EPSTI1: variants seen among roughly 807,000 people sequenced by gnomAD.
The protein encoded by EPSTI1 is epithelial-stromal interaction protein 1.
In EPSTI1, 66 loss-of-function variants were observed where a neutral mutation model predicts 49.9. The observed-to-expected ratio is 1.32, with a 90% CI of 1.08 to 1.62. The LOEUF is 1.62. Among genes scored for constraint, EPSTI1 ranks in the 40% most tolerant of loss-of-function variants. The pLI, the probability that EPSTI1 is intolerant of heterozygous loss-of-function variation, is 0.00. For synonymous variants in EPSTI1, 137 were observed against 130.7 expected (o/e 1.05, Z -0.33); for missense variants, 394 against 365.5 (o/e 1.08, Z -0.64).
chr13:42,938,914 C>CAAAAAAAAAAAAAAAAAAAAAAAAA (rs57079104), intron 6 of EPSTI1, among the ~76,000 whole-genome samples: 3 of 59,664 alleles, frequency 5.0e-5, no homozygotes, highest in Non-Finnish European at 8.4e-5. Context: ...GACTCTGTCT[C>CAAAAAAAAAAAAAAAAAAAAAAAAA]AAAAAAAAAA....
intron 1 of EPSTI1, 55 bp downstream of exon 1, chr13:42,991,923 G>A: frequency 1.3e-6 from 2 of 1,595,680 alleles, no homozygotes; most frequent in Non-Finnish European, 1.7e-6. Flanking sequence ...GCTTGTGAGT[G>A]AGTATGTTTG....
intron 8 of EPSTI1, among the ~76,000 whole-genome samples, chr13:42,909,178 T>C (rs916566926): frequency 5.9e-5 from 9 of 152,106 alleles, no homozygotes; most frequent in African/African-American, 2.2e-4. Context: ...AACAGGTATA[T>C]GAAAAAATGC....
chr13:42,992,175 C>T lies in EPSTI1; in HGVS notation c.-10G>A. Reference sequence around the variant, plus strand: ...TATTGCGGGTGTTCATGGTTCACAGCCCGCGGGTCCCGGGCCGCCGTCGCT... The same window carrying T: ...TATTGCGGGTGTTCATGGTTCACAGTCCGCGGGTCCCGGGCCGCCGTCGCT... On this transcript the variant is annotated 5_prime_UTR_variant, in exon 1 of 11. Coordinates refer to ENST00000313624, the MANE Select transcript of EPSTI1 (RefSeq NM_033255.5). 1 of 1,536,526 alleles carries T rather than the reference C, an allele frequency of 6.5e-7. No homozygotes were observed. The highest frequency in any genetic ancestry group is 8.7e-7 in the Non-Finnish European group (1 of 1,143,774).
chr13:42,895,866 T>TAA (rs2037175498), intron 9 of EPSTI1, among the ~76,000 whole-genome samples: 1 of 152,122 alleles, frequency 6.6e-6, no homozygotes, highest in South Asian at 2.1e-4. Context: ...AATAAGACTA[T>TAA]AAGCTTCTGG....
intron 10 of EPSTI1, 62 bp downstream of exon 10, chr13:42,894,947 A>C: frequency 6.9e-7 from 1 of 1,439,692 alleles, no homozygotes; most frequent in Non-Finnish European, 9.6e-7. Context: ...ATATATTAAA[A>C]ATTCTCATTG....
At chr13:42,979,473 T>C (rs2039944386) in intron 1 of EPSTI1, among the ~76,000 whole-genome samples, 1 of 151,346 alleles carries the variant, frequency 6.6e-6, no homozygotes, top group Admixed American at 6.6e-5. Flanking sequence ...TCCCAGCTAC[T>C]CAGGAGGCTG....
At chr13:42,897,419 T>TGGGG (rs896015122) in intron 9 of EPSTI1, among the ~76,000 whole-genome samples, 2 of 152,216 alleles carry the variant, frequency 1.3e-5, no homozygotes, top group African/African-American at 4.8e-5. Flanking sequence ...AATTTCCACA[T>TGGGG]GGTGAGGCAC....
chr13:42,965,679 G>GTCCCTGTCCCTCTCCCTC (rs2039583387), intron 3 of EPSTI1, among the ~76,000 whole-genome samples: 2 of 15,524 alleles, frequency 1.3e-4, no homozygotes, highest in African/African-American at 4.7e-4. Context: ...TGGAGTCCCT[G>GTCCCTGTCCCTCTCCCTC]TCCCTCTCCC....
At chr13:42,936,492 T>C (rs925893394) in intron 6 of EPSTI1, among the ~76,000 whole-genome samples, 1 of 152,222 alleles carries the variant, frequency 6.6e-6, no homozygotes, top group Non-Finnish European at 1.5e-5. Context: ...AATTGACTAA[T>C]TTCTCCTTTC....
At chr13:42,979,584 CAA>C (rs144646467) in intron 1 of EPSTI1, among the ~76,000 whole-genome samples, 1 of 81,044 alleles carries the variant, frequency 1.2e-5, no homozygotes, top group African/African-American at 4.6e-5. Flanking sequence ...GACTCCGTCT[CAA>C]AAAAAAAAAA....
intron 5 of EPSTI1, among the ~76,000 whole-genome samples, chr13:42,960,647 C>T (rs1174878726): frequency 6.6e-6 from 1 of 152,118 alleles, no homozygotes; most frequent in South Asian, 2.1e-4. Flanking sequence ...AAGTACAAAA[C>T]GGGTATCAAT....
At chr13:42,991,876 T>C (rs2153437884) in intron 1 of EPSTI1, 102 bp downstream of exon 1, 2 of 1,286,412 alleles carry the variant, frequency 1.6e-6, no homozygotes, top group South Asian at 1.3e-5. Flanking sequence ...ATCCCTGTTG[T>C]TGGGCCCCTG....
intron 8 of EPSTI1, among the ~76,000 whole-genome samples, chr13:42,909,353 T>C (rs1005691622): frequency 2.6e-5 from 4 of 152,088 alleles, no homozygotes; most frequent in African/African-American, 4.8e-5. Context: ...TGTAAATTAG[T>C]ACAGCCATTA....
chr13:42,973,437 TTTA>T (rs773784042), intron 1 of EPSTI1, among the ~76,000 whole-genome samples: 3 of 152,238 alleles, frequency 2.0e-5, no homozygotes, highest in Non-Finnish European at 4.4e-5. Flanking sequence ...TCAGCAATAT[TTTA>T]TTGACTGAAA....
Position 42,905,883 on chromosome 13 carries a change from CTTTGTG to C in EPSTI1, c.742-5506_742-5501del, listed in dbSNP as rs1323719193. ...GCAAACAGGAGAAGGGTGTTCAACA[CTTTGTG>C]TTTGTGCACATCTTATCACTGTGCT... On this transcript the variant is annotated intron_variant, in intron 8 of 10. Transcript: ENST00000313624. Among the ~76,000 whole-genome samples the C allele has an allele frequency of 2.6e-5, 4 of 152,196 alleles. No individual in the cohort carries two copies. The South Asian group carries it at 8.3e-4, about 31-fold the overall frequency.
At chr13:42,905,006 T>C (rs1165163458) in intron 8 of EPSTI1, among the ~76,000 whole-genome samples, 2 of 152,210 alleles carry the variant, frequency 1.3e-5, no homozygotes, top group African/African-American at 4.8e-5. Context: ...TATATATTAT[T>C]TCCTCATACC....
At chr13:42,948,253 C>T (rs1014918900) in intron 6 of EPSTI1, among the ~76,000 whole-genome samples, 1 of 152,218 alleles carries the variant, frequency 6.6e-6, no homozygotes, top group Non-Finnish European at 1.5e-5. Context: ...GGGCCCTCCT[C>T]TGCATCAAGG....
intron 6 of EPSTI1, among the ~76,000 whole-genome samples, chr13:42,930,273 G>T (rs2038318463): frequency 6.6e-6 from 1 of 152,306 alleles, no homozygotes; most frequent in South Asian, 2.1e-4. Flanking sequence ...GCCACCATGA[G>T]GTTTAGGTAA....
chr13:42,970,683 GA>G lies in EPSTI1; in HGVS notation c.189-14del, dbSNP rs66702221. 0.3 allele frequency: 473,784 copies of G among 1,575,442 alleles called. 72,027 individuals carry two copies. The highest frequency in any genetic ancestry group is 0.42 in the South Asian group (35,951 of 84,892). On this transcript the variant is annotated splice_polypyrimidine_tract_variant and intron_variant, in intron 1 of 10. Transcript: ENST00000313624. ...GTATGCACTTGTGCTAAAAGGAAGA[GA>G]AAAAAAAATGCTTATTACCATGAGA...
Sources: gnomAD v4.1 joint callset for allele counts (sites outside exome capture counted in the v4.1 genomes callset) on GRCh38, gnomAD v4.1.1 for gene constraint, MANE v1.5 for transcripts, NCBI Gene and HGNC (gene_info 2026-07-23, HGNC 2026-07-21) for gene names.